CCDC93: variants seen among roughly 807,000 people sequenced by gnomAD.
CCDC93 encodes coiled-coil domain-containing protein 93.
In CCDC93, 61 loss-of-function variants were observed where a neutral mutation model predicts 108.2. The ratio of observed to expected loss-of-function variants is 0.56; its 90% CI spans 0.46 to 0.70. The LOEUF is 0.70. CCDC93 is among the 30% of genes least tolerant of loss of function. The pLI, the probability that CCDC93 is intolerant of heterozygous loss-of-function variation, is 0.00. For missense variants in CCDC93, 685 were observed against 764.2 expected (o/e 0.90, Z 1.22); for synonymous variants, 276 against 260.4 (o/e 1.06, Z -0.58).
intron 14 of CCDC93, among the ~76,000 whole-genome samples, chr2:117,948,951 T>C (rs1341621132): frequency 6.6e-6 from 1 of 152,158 alleles, no homozygotes; most frequent in African/African-American, 2.4e-5. Context: ...GTTTAAAAAC[T>C]TGTAACAATA....
chr2:117,996,307 G>A lies in CCDC93; in HGVS notation c.419C>T (p.Ser140Phe), dbSNP rs1294978561. 9 of 1,613,610 alleles carry A rather than the reference G, an allele frequency of 5.6e-6. No individual in the cohort carries two copies. Among genetic ancestry groups the A allele is most frequent in the East Asian group, 2.2e-5 (1 of 44,888 alleles). Reference protein sequence around the residue: ...TKEEMGDYIRSYSVSQFQKTY... With the variant: ...TKEEMGDYIRFYSVSQFQKTY... ...CTTCTGGAACTGGGATACAGAGTAG[G>A]AGCGGATATAGTCACCCATCTCTTC... is the stretch of plus-strand genomic sequence containing the variant. Residue 140 changes from serine (S) to phenylalanine (F), a missense_variant, in exon 5 of 24, where the codon TCC becomes TTC. Transcript: ENST00000376300.
chr2:117,980,403 A>T (rs536991574), intron 7 of CCDC93, among the ~76,000 whole-genome samples: 1 of 152,328 alleles, frequency 6.6e-6, no homozygotes, highest in African/African-American at 2.4e-5. Context: ...AGGGCAGAAG[A>T]CATAAAGCCC....
intron 13 of CCDC93, chr2:117,951,515 A>G: frequency 2.0e-6 from 2 of 994,270 alleles, no homozygotes; most frequent in Non-Finnish European, 2.4e-6. Context: ...GGTAAATGTC[A>G]TGTGAATTCT....
Position 118,004,664 on chromosome 2 carries a change from G to A in CCDC93, c.251+2058C>T, listed in dbSNP as rs1031849484. 4.6e-5 allele frequency among the ~76,000 whole-genome samples: 7 copies of A among 152,332 alleles called. No homozygotes were observed. The East Asian group carries it at 1.3e-3, about 29-fold the overall frequency. On this transcript the variant is annotated intron_variant, in intron 3 of 23. Coordinates refer to ENST00000376300, the MANE Select transcript of CCDC93 (RefSeq NM_019044.5). ...TTAGATGACTCAGTACCCTGTGGCTGTAACATGTCTTCTACAGATAATAAA... is the reference window on the plus strand; with the variant it reads ...TTAGATGACTCAGTACCCTGTGGCTATAACATGTCTTCTACAGATAATAAA...
Position 117,920,338 on chromosome 2 carries a change from G to A in CCDC93, c.*5C>T, listed in dbSNP as rs1246790482. 4 of 1,609,314 alleles carry A rather than the reference G, an allele frequency of 2.5e-6. No homozygotes were observed. In the African/African-American group the frequency reaches 5.3e-5, roughly 21 times the overall value. ...TCAATGACATACAGCCACGGCTGGG[G>A]ATGTTCAGGAGGCCTTCGCTTTCAC... On this transcript the variant is annotated 3_prime_UTR_variant, in exon 24 of 24. Coordinates refer to ENST00000376300, the MANE Select transcript of CCDC93 (RefSeq NM_019044.5).
intron 5 of CCDC93, 80 bp downstream of exon 5, chr2:117,996,184 A>T: frequency 3.3e-6 from 3 of 916,264 alleles, no homozygotes; most frequent in Non-Finnish European, 5.2e-6. Flanking sequence ...GCCTGAGCTT[A>T]CTCTGCTCCT....
At chr2:117,993,413 A>G (rs1680547057) in intron 6 of CCDC93, among the ~76,000 whole-genome samples, 1 of 147,380 alleles carries the variant, frequency 6.8e-6, no homozygotes, top group Admixed American at 7.0e-5. Flanking sequence ...AAAAAAAATT[A>G]ATGTTTGAAT....
intron 6 of CCDC93, among the ~76,000 whole-genome samples, chr2:117,993,973 C>T (rs1222963693): frequency 6.6e-6 from 1 of 152,200 alleles, no homozygotes; most frequent in African/African-American, 2.4e-5. Context: ...ACCTCGTGAT[C>T]CACCCGTCTC....
intron 21 of CCDC93, 58 bp downstream of exon 21, chr2:117,936,644 T>C (rs986724904): frequency 7.4e-7 from 1 of 1,358,824 alleles, no homozygotes; most frequent in Non-Finnish European, 1.1e-6. Flanking sequence ...TGAGGTGGGC[T>C]GAATTCAAAG....
chr2:117,991,214 AG>A (rs2104807772), intron 6 of CCDC93, among the ~76,000 whole-genome samples: 1 of 152,334 alleles, frequency 6.6e-6, no homozygotes, highest in Admixed American at 6.5e-5. Context: ...ACAACAGGAC[AG>A]CTCCCACCTG....
At chr2:117,963,878 TA>T (rs1679470171) in intron 11 of CCDC93, among the ~76,000 whole-genome samples, 1 of 152,256 alleles carries the variant, frequency 6.6e-6, no homozygotes, top group Non-Finnish European at 1.5e-5. Flanking sequence ...CTGGCAAGGC[TA>T]AAGTCCAAGT....
chr2:118,003,552 T>C (rs181595703), intron 3 of CCDC93, among the ~76,000 whole-genome samples: 5 of 152,130 alleles, frequency 3.3e-5, no homozygotes, highest in South Asian at 4.1e-4. Flanking sequence ...TTGGTTTGCA[T>C]AGAGTTACCA....
intron 7 of CCDC93, among the ~76,000 whole-genome samples, chr2:117,980,186 A>G (rs1402978436): frequency 6.6e-6 from 1 of 152,198 alleles, no homozygotes; most frequent in Non-Finnish European, 1.5e-5. Flanking sequence ...TCTAATGTGA[A>G]GCTTGAGAGC....
At chr2:117,983,502 A>C (rs1263990836) in intron 7 of CCDC93, among the ~76,000 whole-genome samples, 1 of 152,162 alleles carries the variant, frequency 6.6e-6, no homozygotes, top group Admixed American at 6.5e-5. Flanking sequence ...TAAGGGGAAA[A>C]GGTCATATCT....
At chr2:117,926,217 G>C (rs1403725298) in intron 23 of CCDC93, among the ~76,000 whole-genome samples, 1 of 151,910 alleles carries the variant, frequency 6.6e-6, no homozygotes, top group Non-Finnish European at 1.5e-5. Flanking sequence ...AACTAGAGAA[G>C]CAAGAGCAAA....
intron 6 of CCDC93, among the ~76,000 whole-genome samples, chr2:117,992,184 A>G (rs1680493838): frequency 6.6e-6 from 1 of 152,232 alleles, no homozygotes; most frequent in Non-Finnish European, 1.5e-5. Context: ...CTCATAAAAA[A>G]GGAAATAAAC....
chr2:117,978,994 C>G (rs1331884582), intron 7 of CCDC93, among the ~76,000 whole-genome samples: 1 of 152,134 alleles, frequency 6.6e-6, no homozygotes, highest in Non-Finnish European at 1.5e-5. Context: ...GGTGACAGAG[C>G]AAGACTCTGT....
chr2:117,992,074 T>C (rs7563459), intron 6 of CCDC93, among the ~76,000 whole-genome samples: 59,209 of 151,970 alleles, frequency 0.39, 12,200 homozygotes, highest in East Asian at 0.68. Flanking sequence ...TTTAAGCAGA[T>C]GAGGAAAAGA....
At chr2:118,000,064 C>T (rs1680794902) in intron 4 of CCDC93, 2 of 152,182 alleles carry the variant, frequency 1.3e-5, no homozygotes, top group African/African-American at 4.8e-5. Flanking sequence ...GACTGAATAT[C>T]TACAAATTGT....
Sources: allele counts gnomAD v4.1 joint callset (sites outside exome capture counted in the v4.1 genomes callset), GRCh38; gene constraint gnomAD v4.1.1; transcripts MANE v1.5; gene names NCBI Gene and HGNC (gene_info 2026-07-23, HGNC 2026-07-21).